Variants in MINK1 observed in about 807,000 individuals in gnomAD.
MINK1 encodes misshapen-like kinase 1.
In MINK1, 46 loss-of-function variants were observed where a neutral mutation model predicts 178.4. That is an observed-to-expected ratio of 0.26 (90% CI 0.20 to 0.33). The LOEUF (loss-of-function observed/expected upper bound fraction) is 0.33. Ranked by LOEUF, MINK1 falls within the 10% of genes least tolerant of loss-of-function variation. MINK1 has a pLI of 1.00. For missense variants in MINK1, 1,366 were observed against 1,814.9 expected (o/e 0.75, Z 4.49); for synonymous variants, 797 against 709.7 (o/e 1.12, Z -1.96).
chr17:4,885,119 C>G lies in MINK1; in HGVS notation c.508+117C>G. ...ACTCCCTTCCTACTGGGGAGGCTCA[C>G]TCCCTCCCCTTTCCCCTCTCCCCCT... On this transcript the variant is annotated intron_variant, in intron 6 of 31. Coordinates refer to ENST00000355280, the MANE Select transcript of MINK1 (RefSeq NM_153827.5). The surrounding 1 kb of genome is among the most constrained non-coding windows in gnomAD (Gnocchi z 5.0). The G allele has an allele frequency of 1.1e-6, 1 of 909,592 alleles. No individual in the cohort carries two copies. The highest frequency in any genetic ancestry group is 1.7e-6 in the Non-Finnish European group (1 of 587,834). The allele number at this position is 909,592 out of a possible 1,614,324, so 56.3% of individuals were successfully genotyped here.
intron 2 of MINK1, among the ~76,000 whole-genome samples, chr17:4,879,764 G>A (rs1471108154): frequency 6.6e-6 from 1 of 152,350 alleles, no homozygotes; most frequent in East Asian, 1.9e-4. Flanking sequence ...ACTAGGGCTG[G>A]TGACAGGAGC....
chr17:4,874,711 G>A (rs1231099859), intron 1 of MINK1, among the ~76,000 whole-genome samples: 3 of 152,064 alleles, frequency 2.0e-5, no homozygotes, highest in African/African-American at 7.2e-5. Context: ...TGGGGAGGGG[G>A]TGAGAGACCA....
At chr17:4,897,104 C>G in intron 31 of MINK1, 100 bp from the exon 32 acceptor site, 3 of 1,064,246 alleles carry the variant, frequency 2.8e-6, no homozygotes, top group Non-Finnish European at 4.2e-6. Context: ...CTGTGTCTCC[C>G]TCAACTCTTC....
intron 1 of MINK1, chr17:4,844,431 C>CTG (rs1910702442): frequency 3.5e-5 from 15 of 431,958 alleles, no homozygotes; most frequent in South Asian, 2.5e-4. Context: ...GGAATATGGC[C>CTG]TGTTTCATGG....
At chr17:4,878,079 G>A (rs1447042534) in intron 1 of MINK1, among the ~76,000 whole-genome samples, 1 of 152,076 alleles carries the variant, frequency 6.6e-6, no homozygotes, top group Non-Finnish European at 1.5e-5. Context: ...CAAAGTGCTG[G>A]GATTACAGGC....
chr17:4,893,633 G>A, intron 21 of MINK1, 36 bp downstream of exon 21: 8 of 1,506,678 alleles, frequency 5.3e-6, no homozygotes, highest in Middle Eastern at 4.5e-4. Context: ...CCACTCCAAG[G>A]CACAGGGAGG....
chr17:4,897,293 C>T lies in MINK1; in HGVS notation c.*6C>T, dbSNP rs748815511. 1.2e-6 allele frequency: 2 copies of T among 1,613,270 alleles called. No homozygotes were observed. The highest frequency in any genetic ancestry group is 1.7e-5 in the Admixed American group (1 of 59,964). On this transcript the variant is annotated 3_prime_UTR_variant, in exon 32 of 32. Transcript: ENST00000355280. ...ACTGCATCATGAACTGGTGACGGGG[C>T]CCTGGGCTGGGGCTGTCCCACACTG...
At position 4,892,982 on chromosome 17, in the gene MINK1, C is replaced by CCCCTGTG. The variant is rs776467781; in HGVS notation, c.2316_2317insCCTGTGC (p.Ser773ProfsTer16). ...CTTCTTCCACCCTGCCGTCCAGTCT[C>CCCCTGTG]CTCCAAACCGGACAGCTCCCCTGTG... On this transcript the variant is annotated frameshift_variant, in exon 20 of 32. Coordinates refer to ENST00000355280, the MANE Select transcript of MINK1 (RefSeq NM_153827.5). LOFTEE classifies it high-confidence loss of function. The CCCCTGTG allele has an allele frequency of 1.4e-3, 2,239 of 1,569,264 alleles. 26 individuals are homozygous for CCCCTGTG. Among genetic ancestry groups the CCCCTGTG allele is most frequent in the South Asian group, 4.9e-4 (42 of 85,198 alleles).
chr17:4,852,040 ACT>A (rs1452135222), intron 1 of MINK1, among the ~76,000 whole-genome samples: 29 of 147,512 alleles, frequency 2.0e-4, no homozygotes, highest in Admixed American at 1.8e-3. Flanking sequence ...AAGAAAGTCC[ACT>A]CTCTGGTAAA....
Position 4,891,004 on chromosome 17 carries a change from C to T in MINK1, c.1620C>T (p.Ser540=). 2 of 1,560,368 alleles carry T rather than the reference C, an allele frequency of 1.3e-6. No homozygotes were observed. The highest frequency in any genetic ancestry group is 1.7e-6 in the Non-Finnish European group (2 of 1,152,266). ...AGCAGAACTCTCCCTTGGCCAAGAGCAAGCCAGGCAGCACGGGGCCTGAGC... is the reference window on the plus strand; with the variant it reads ...AGCAGAACTCTCCCTTGGCCAAGAGTAAGCCAGGCAGCACGGGGCCTGAGC... ...NKQQNSPLAK[S]KPGSTGPEPP... is the part of the protein sequence containing the mutation. Residue 540 remains serine (S), a synonymous_variant, in exon 15 of 32, where the codon AGC becomes AGT. Coordinates refer to ENST00000355280, the MANE Select transcript of MINK1 (RefSeq NM_153827.5).
chr17:4,836,120 T>G lies in MINK1; in HGVS notation c.57+2480T>G, dbSNP rs956507974. On this transcript the variant is annotated intron_variant, in intron 1 of 31. Coordinates refer to ENST00000355280, the MANE Select transcript of MINK1 (RefSeq NM_153827.5). The surrounding 1 kb of genome is among the most constrained non-coding windows in gnomAD (Gnocchi z 4.3). ...TCAAGCAGCTAGTGTGGTCATCTCTTGTGCTATTCCTGTCTGTTTTCCAGT... is the reference window on the plus strand; with the variant it reads ...TCAAGCAGCTAGTGTGGTCATCTCTGGTGCTATTCCTGTCTGTTTTCCAGT... Among the ~76,000 whole-genome samples, 1 of 152,162 alleles carries G rather than the reference T, an allele frequency of 6.6e-6. No homozygotes were observed. The highest frequency in any genetic ancestry group is 2.4e-5 in the African/African-American group (1 of 41,434).
At chr17:4,884,269 A>C (rs1464130507) in intron 4 of MINK1, 94 bp from the exon 5 acceptor site, 19 of 947,508 alleles carry the variant, frequency 2.0e-5, no homozygotes, top group Admixed American at 1.2e-4. Context: ...AAGGTCTCTT[A>C]TCCTCCTCCA....
At chr17:4,873,840 G>A (rs1269349914) in intron 1 of MINK1, among the ~76,000 whole-genome samples, 2 of 151,808 alleles carry the variant, frequency 1.3e-5, no homozygotes, top group Non-Finnish European at 1.5e-5. Context: ...GGCTGGTCTC[G>A]AACTCCTGAC....
rs1436776508 is a variant in MINK1 at position 4,895,444 on chromosome 17, C to T, written c.3180C>T (p.Phe1060=). ...ATGGACTCATTGGGCGGCGACGCTT[C>T]CAGCAGATGGATGTGCTGGAGGGGC... The part of the protein sequence containing the change: ...KVYGLIGRRR[F]QQMDVLEGLN... Residue 1060 remains phenylalanine (F), a synonymous_variant, in exon 26 of 32, where the codon TTC becomes TTT. Coordinates refer to ENST00000355280, the MANE Select transcript of MINK1 (RefSeq NM_153827.5). The surrounding 1 kb of genome is among the most constrained non-coding windows in gnomAD (Gnocchi z 4.3). 2 of 1,606,184 alleles carry T rather than the reference C, an allele frequency of 1.2e-6. No individual in the cohort carries two copies. Among genetic ancestry groups the T allele is most frequent in the Non-Finnish European group, 1.7e-6 (2 of 1,175,384 alleles).
intron 1 of MINK1, chr17:4,834,929 T>A: frequency 2.0e-6 from 1 of 497,686 alleles, no homozygotes; most frequent in Non-Finnish European, 4.0e-6. Flanking sequence ...CAGAGTCATG[T>A]TGTTAATTGG....
At chr17:4,888,560 C>G (rs1449113907) in intron 12 of MINK1, among the ~76,000 whole-genome samples, 1 of 151,514 alleles carries the variant, frequency 6.6e-6, no homozygotes, top group Non-Finnish European at 1.5e-5. Flanking sequence ...ATCGCTTGAA[C>G]CTGGGAGGTG....
At chr17:4,843,717 G>C (rs537943164) in intron 1 of MINK1, among the ~76,000 whole-genome samples, 1 of 152,094 alleles carries the variant, frequency 6.6e-6, no homozygotes, top group Non-Finnish European at 1.5e-5. Context: ...AACCCTTTGA[G>C]GTGGACAATA....
chr17:4,839,097 C>T (rs1476072115), intron 1 of MINK1, among the ~76,000 whole-genome samples: 1 of 152,200 alleles, frequency 6.6e-6, no homozygotes, highest in Non-Finnish European at 1.5e-5. Flanking sequence ...GCGCCCGCCA[C>T]AATGCCTGGC....
chr17:4,846,238 C>A (rs190407425), intron 1 of MINK1, among the ~76,000 whole-genome samples: 2 of 152,212 alleles, frequency 1.3e-5, no homozygotes, highest in Non-Finnish European at 2.9e-5. Flanking sequence ...AAGACCTCTG[C>A]GTTTCCTCAC....
Sources: allele counts gnomAD v4.1 joint callset (sites outside exome capture counted in the v4.1 genomes callset), GRCh38; gene constraint gnomAD v4.1.1; non-coding constraint Gnocchi (gnomAD v3.1); transcripts MANE v1.5; gene names NCBI Gene and HGNC (gene_info 2026-07-23, HGNC 2026-07-21).